The following GBE1 variants were observed in gnomAD, a reference collection of about 807,000 sequenced individuals.
GBE1 encodes 1,4-alpha-glucan branching enzyme 1.
GBE1 carries 70 observed loss-of-function variants against 88.8 expected under a neutral mutation model. The ratio of observed to expected loss-of-function variants is 0.79; its 90% CI spans 0.65 to 0.96. GBE1 has a LOEUF of 0.96. GBE1 is among the 40% of genes least tolerant of loss of function. The pLI is 0.00. For synonymous variants in GBE1, 284 were observed against 300.1 expected (o/e 0.95, Z 0.56); for missense variants, 872 against 871.0 (o/e 1.00, Z -0.01).
intron 1 of GBE1, among the ~76,000 whole-genome samples, chr3:81,744,944 T>C (rs1333718909): frequency 6.6e-6 from 1 of 152,236 alleles, no homozygotes; most frequent in East Asian, 1.9e-4. Context: ...TCAAAAGAAC[T>C]TCTTTGTCAT....
intron 3 of GBE1, among the ~76,000 whole-genome samples, chr3:81,668,181 G>A (rs192617497): frequency 2.6e-5 from 4 of 152,126 alleles, no homozygotes; most frequent in South Asian, 2.1e-4. Context: ...GAGAATACAC[G>A]GGGAGGAGAA....
intron 7 of GBE1, chr3:81,613,039 A>G: frequency 1.6e-6 from 1 of 638,440 alleles, no homozygotes; most frequent in Non-Finnish European, 2.4e-6. Context: ...GAAGATGATG[A>G]AGGGGAGGAA....
intron 1 of GBE1, among the ~76,000 whole-genome samples, chr3:81,736,553 C>T (rs2107211062): frequency 6.6e-6 from 1 of 152,298 alleles, no homozygotes. Context: ...TACAAATTAG[C>T]CTGCTACCTG....
At chr3:81,646,584 C>A (rs989581211) in intron 5 of GBE1, 102 bp from the exon 6 acceptor site, 3 of 683,798 alleles carry the variant, frequency 4.4e-6, no homozygotes, top group East Asian at 5.7e-5. Flanking sequence ...AATTTACAAA[C>A]AATCTAGAAG....
chr3:81,743,144 C>T (rs1481615510), intron 1 of GBE1, among the ~76,000 whole-genome samples: 2 of 152,110 alleles, frequency 1.3e-5, no homozygotes, highest in African/African-American at 4.8e-5. Context: ...CCCAAAGATG[C>T]TCAGTGAGTC....
intron 2 of GBE1, among the ~76,000 whole-genome samples, chr3:81,705,171 G>C (rs959381055): frequency 7.9e-5 from 12 of 152,092 alleles, no homozygotes; most frequent in Non-Finnish European, 1.5e-4. Context: ...ATTTGGAGTT[G>C]TCTTCCTAAT....
intron 2 of GBE1, among the ~76,000 whole-genome samples, chr3:81,681,371 C>CCGAT (rs1341023477): frequency 1.3e-5 from 2 of 152,152 alleles, no homozygotes; most frequent in African/African-American, 4.8e-5. Context: ...TGCAACTTAA[C>CCGAT]TGATTCATCA....
chr3:81,567,738 C>T (rs1324717650), intron 12 of GBE1, among the ~76,000 whole-genome samples: 2 of 152,170 alleles, frequency 1.3e-5, no homozygotes, highest in African/African-American at 4.8e-5. Flanking sequence ...TTTCTATCTC[C>T]ACTGCTATCA....
intron 9 of GBE1, among the ~76,000 whole-genome samples, chr3:81,588,063 T>C (rs1703823133): frequency 6.6e-6 from 1 of 151,856 alleles, no homozygotes; most frequent in Admixed American, 6.6e-5. Context: ...TAAAAGACTA[T>C]CACATACCAT....
intron 1 of GBE1, among the ~76,000 whole-genome samples, chr3:81,747,870 A>G (rs1706439338): frequency 6.6e-6 from 1 of 152,050 alleles, no homozygotes; most frequent in Admixed American, 6.5e-5. Context: ...CCCCACCCTT[A>G]TCTCCCTTCG....
At chr3:81,556,028 T>A (rs7613144) in intron 12 of GBE1, among the ~76,000 whole-genome samples, 44,871 of 151,888 alleles carry the variant, frequency 0.3, 6,844 homozygotes, top group East Asian at 0.42. Context: ...TAGGAAGGAC[T>A]TTTCAGTTGT....
chr3:81,574,394 CA>C (rs2106928481), intron 12 of GBE1, among the ~76,000 whole-genome samples: 1 of 152,198 alleles, frequency 6.6e-6, no homozygotes, highest in South Asian at 2.1e-4. Context: ...ATTTCACCCT[CA>C]AAACAATCTG....
chr3:81,517,564 T>C (rs1702813128), intron 14 of GBE1, among the ~76,000 whole-genome samples: 1 of 151,446 alleles, frequency 6.6e-6, no homozygotes. Flanking sequence ...AATGTGGTAA[T>C]GAGTATAAAA....
chr3:81,546,942 GC>G (rs1381999171), intron 12 of GBE1, among the ~76,000 whole-genome samples: 6 of 151,010 alleles, frequency 4.0e-5, no homozygotes, highest in Non-Finnish European at 7.4e-5. Context: ...CATCTTTCCG[GC>G]CACCATGGAA....
At chr3:81,670,463 C>T (rs1705174239) in intron 3 of GBE1, among the ~76,000 whole-genome samples, 1 of 152,166 alleles carries the variant, frequency 6.6e-6, no homozygotes, top group African/African-American at 2.4e-5. Flanking sequence ...TTTCACCCGA[C>T]CTCTTTACAG....
chr3:81,610,672 C>CT (rs1704166940), intron 7 of GBE1, among the ~76,000 whole-genome samples: 1 of 152,118 alleles, frequency 6.6e-6, no homozygotes, highest in Admixed American at 6.5e-5. Flanking sequence ...AGCGCCAAGG[C>CT]TTGCGGAGAA....
chr3:81,632,512 A>G (rs1704529357), intron 7 of GBE1, among the ~76,000 whole-genome samples: 2 of 152,322 alleles, frequency 1.3e-5, no homozygotes, highest in South Asian at 4.1e-4. Context: ...ATGAGATACC[A>G]TCTCATGCCA....
At chr3:81,626,163 AC>A (rs1389370660) in intron 7 of GBE1, among the ~76,000 whole-genome samples, 1 of 152,210 alleles carries the variant, frequency 6.6e-6, no homozygotes, top group East Asian at 1.9e-4. Context: ...ATGCCAAAGC[AC>A]ATCTATTCTA....
rs186105977 is a variant in GBE1 at position 81,547,428 on chromosome 3, G to A, written c.1619-10333C>T. On this transcript the variant is annotated intron_variant, in intron 12 of 15. Transcript: ENST00000429644. ...AGGTGACAGAATTACACAAGTAAAG[G>A]ACCATGGGAAATGGGGAGCTTTTTC... Among the ~76,000 whole-genome samples the A allele has an allele frequency of 4.0e-5, 6 of 151,624 alleles. No individual in the cohort carries two copies. The East Asian group carries it at 7.7e-4, about 20-fold the overall frequency.
Sources: gnomAD v4.1 joint callset for allele counts (sites outside exome capture counted in the v4.1 genomes callset) on GRCh38, gnomAD v4.1.1 for gene constraint, MANE v1.5 for transcripts, NCBI Gene and HGNC (gene_info 2026-07-23, HGNC 2026-07-21) for gene names.